The following LARP1 variants were observed in gnomAD, a reference collection of about 807,000 sequenced individuals.
LARP1 encodes La ribonucleoprotein 1, translational regulator.
In LARP1, 36 loss-of-function variants were observed where a neutral mutation model predicts 122.7. The ratio of observed to expected loss-of-function variants is 0.29; its 90% CI spans 0.22 to 0.39. LARP1 has a LOEUF of 0.39. Among genes scored for constraint, LARP1 ranks in the 10% least tolerant of loss-of-function variants. LARP1 has a pLI of 1.00. For synonymous variants in LARP1, 539 were observed against 528.7 expected (o/e 1.02, Z -0.27); for missense variants, 1,040 against 1,403.6 (o/e 0.74, Z 4.14).
chr5:154,702,544 G>T (rs142028078), intron 1 of LARP1, among the ~76,000 whole-genome samples: 2 of 147,254 alleles, frequency 1.4e-5, no homozygotes, highest in African/African-American at 5.0e-5. Context: ...CAACACGAAC[G>T]AAACTCCATC....
At chr5:154,702,991 C>G (rs1251779068) in intron 1 of LARP1, among the ~76,000 whole-genome samples, 1 of 151,826 alleles carries the variant, frequency 6.6e-6, no homozygotes, top group Non-Finnish European at 1.5e-5. Context: ...CGTGGTGGCG[C>G]GTGCCTGCAG....
chr5:154,687,600 C>T (rs1279358244), intron 1 of LARP1, among the ~76,000 whole-genome samples: 4 of 152,194 alleles, frequency 2.6e-5, no homozygotes, highest in Non-Finnish European at 5.9e-5. Flanking sequence ...CCGGGATGAT[C>T]TCAATCTCCT....
In LARP1 at chr5:154,799,946, A is replaced by G. The variant is rs1006669192; in HGVS notation, c.1620A>G (p.Thr540=). Residue 540 remains threonine, a synonymous_variant, in exon 10 of 19, where the codon ACA becomes ACG. Coordinates refer to ENST00000518297, the MANE Select transcript of LARP1 (RefSeq NM_033551.3). ...TKTEEVSNLK[T]LPKGLSASLP... ...CAGAGGAGGTCAGCAACCTAAAGAC[A>G]CTACCCAAGGGCCTGTCTGCCAGCC... 5 of 1,614,018 alleles carry G rather than the reference A, an allele frequency of 3.1e-6. No individual in the cohort carries two copies. The highest frequency in any genetic ancestry group is 3.3e-5 in the Admixed American group (2 of 59,990).
At chr5:154,792,509 C>T (rs977221721) in intron 3 of LARP1, 113 bp from the exon 4 acceptor site, 9 of 899,038 alleles carry the variant, frequency 1.0e-5, no homozygotes, top group African/African-American at 1.7e-5. Flanking sequence ...CCCATCCAGC[C>T]TGCCATTGCA....
chr5:154,732,201 AAAAAG>A lies in LARP1; in HGVS notation c.205+19075_205+19079del, dbSNP rs199990784. 4.6e-3 allele frequency among the ~76,000 whole-genome samples: 618 copies of A among 134,972 alleles called. 7 individuals carry two copies. The highest frequency in any genetic ancestry group is 0.012 in the East Asian group (39 of 3,332). 88.5% of individuals were successfully genotyped at this position (134,972 alleles called of 152,430 possible). Reference sequence around the variant, plus strand: ...AAACAAAACAAAACAAAAAAAAAAAAAAAAGAAAGGTGAATCTGGTGCAAACCATA... The same window carrying A: ...AAACAAAACAAAACAAAAAAAAAAAAAAAGGTGAATCTGGTGCAAACCATA... On this transcript the variant is annotated intron_variant, in intron 1 of 18. Coordinates refer to the LARP1 transcript ENST00000336314.
chr5:154,716,562 C>T (rs1045215041), intron 1 of LARP1, among the ~76,000 whole-genome samples: 3 of 152,186 alleles, frequency 2.0e-5, no homozygotes, highest in Non-Finnish European at 4.4e-5. Flanking sequence ...GATCCTCCTG[C>T]CTCAGCCTCC....
At chr5:154,759,134 C>G (rs182014323) in intron 1 of LARP1, among the ~76,000 whole-genome samples, 22 of 152,350 alleles carry the variant, frequency 1.4e-4, no homozygotes, top group African/African-American at 5.3e-4. Flanking sequence ...TTTAACCATT[C>G]TATGCCTCAC....
Position 154,804,272 on chromosome 5 carries a change from T to C in LARP1, c.2511T>C (p.Asp837=), listed in dbSNP as rs150381751. The C allele has an allele frequency of 6.2e-7, 1 of 1,614,008 alleles. No homozygotes were observed. The highest frequency in any genetic ancestry group is 1.3e-5 in the African/African-American group (1 of 74,924). Residue 837 remains aspartate, a synonymous_variant, in exon 14 of 19, where the codon GAT becomes GAC. Coordinates refer to ENST00000518297, the MANE Select transcript of LARP1 (RefSeq NM_033551.3). ...PLESHVGWVM[D]SREHRPRTAS... is the part of the protein sequence containing the mutation. ...AGAGCCATGTGGGCTGGGTGATGGA[T>C]TCCCGTGAGCACAGGCCCCGTACTG...
chr5:154,798,860 T>G (rs1758100970), intron 8 of LARP1, among the ~76,000 whole-genome samples: 1 of 150,332 alleles, frequency 6.7e-6, no homozygotes, highest in African/African-American at 2.5e-5. Flanking sequence ...TGTTTTTTTG[T>G]TTGTTTGTTT....
At chr5:154,778,810 CT>C (rs1222191738) in intron 1 of LARP1, among the ~76,000 whole-genome samples, 1 of 152,210 alleles carries the variant, frequency 6.6e-6, no homozygotes, top group Non-Finnish European at 1.5e-5. Flanking sequence ...GGGCAATAGT[CT>C]TTCCTAACTA....
chr5:154,796,064 TTATA>T (rs1417436540), intron 8 of LARP1, among the ~76,000 whole-genome samples: 3 of 116,610 alleles, frequency 2.6e-5, no homozygotes, highest in African/African-American at 1.0e-4. Flanking sequence ...TATTATATAT[TTATA>T]TATAGTATAT....
intron 1 of LARP1, 177 bp downstream of exon 1, chr5:154,756,370 A>G: frequency 1.0e-6 from 1 of 984,574 alleles, no homozygotes; most frequent in Non-Finnish European, 1.2e-6. Flanking sequence ...CCGTACACTC[A>G]GGGACCTGCC....
At chr5:154,733,833 G>GA (rs956738798) in intron 1 of LARP1, among the ~76,000 whole-genome samples, 6 of 152,058 alleles carry the variant, frequency 3.9e-5, no homozygotes, top group African/African-American at 1.4e-4. Flanking sequence ...AAAGTGGTGG[G>GA]ATTACAGATG....
At chr5:154,693,516 A>G (rs1754319138) in intron 1 of LARP1, among the ~76,000 whole-genome samples, 1 of 152,172 alleles carries the variant, frequency 6.6e-6, no homozygotes, top group Admixed American at 6.5e-5. Flanking sequence ...AGGACTGATT[A>G]CTGTCTCATT....
chr5:154,734,675 T>A (rs1489969750), intron 1 of LARP1, among the ~76,000 whole-genome samples: 5 of 152,202 alleles, frequency 3.3e-5, no homozygotes, highest in South Asian at 4.1e-4. Context: ...ATTCCTTTTC[T>A]GGTAAGAGAT....
intron 1 of LARP1, among the ~76,000 whole-genome samples, chr5:154,726,641 T>A (rs763903579): frequency 1.3e-5 from 2 of 152,198 alleles, no homozygotes; most frequent in Non-Finnish European, 2.9e-5. Flanking sequence ...AATAGATGGA[T>A]ATAACAGCAT....
At chr5:154,738,822 T>G (rs183035169) in intron 1 of LARP1, among the ~76,000 whole-genome samples, 3 of 152,178 alleles carry the variant, frequency 2.0e-5, no homozygotes, top group Non-Finnish European at 4.4e-5. Context: ...TTTGGGACGC[T>G]GAGGTGGGAG....
At chr5:154,752,219 T>C (rs1169932357), upstream of LARP1, among the ~76,000 whole-genome samples, 1 of 151,982 alleles carries the variant, frequency 6.6e-6, no homozygotes, top group Non-Finnish European at 1.5e-5. Flanking sequence ...ATAAGGAACT[T>C]TACTTTTCTT....
intron 1 of LARP1, among the ~76,000 whole-genome samples, chr5:154,725,560 A>G (rs1188708730): frequency 1.3e-5 from 2 of 152,110 alleles, no homozygotes; most frequent in African/African-American, 4.8e-5. Context: ...AAAAGAAGAA[A>G]AAAAAAAGCT....
Sources: gnomAD v4.1 joint callset for allele counts (sites outside exome capture counted in the v4.1 genomes callset) on GRCh38, gnomAD v4.1.1 for gene constraint, MANE v1.5 for transcripts, NCBI Gene and HGNC (gene_info 2026-07-23, HGNC 2026-07-21) for gene names.